ZFYVE9: variants seen among roughly 807,000 people sequenced by gnomAD.
The protein encoded by ZFYVE9 is zinc finger FYVE domain-containing protein 9.
ZFYVE9 carries 43 observed loss-of-function variants against 126.7 expected under a neutral mutation model. That is an observed-to-expected ratio of 0.34 (90% CI 0.27 to 0.44). ZFYVE9 has a LOEUF of 0.44. Among genes scored for constraint, ZFYVE9 ranks in the 20% least tolerant of loss-of-function variants. ZFYVE9 has a pLI of 1.00. For missense variants in ZFYVE9, 1,476 were observed against 1,697.0 expected (o/e 0.87, Z 2.29); for synonymous variants, 521 against 597.4 (o/e 0.87, Z 1.87).
In ZFYVE9 at chr1:52,340,038, AG is replaced by A; in HGVS notation, c.3834-86del. 3 of 1,026,086 alleles carry A rather than the reference AG, an allele frequency of 2.9e-6. No individual in the cohort carries two copies. The East Asian group carries it at 7.1e-5, about 24-fold the overall frequency. The allele number at this position is 1,026,086 out of a possible 1,614,324, so 63.6% of individuals were successfully genotyped here. On this transcript the variant is annotated intron_variant, in intron 16 of 18. Transcript: ENST00000287727. The stretch of plus-strand genomic sequence containing the variant: ...CAGCAGGGTACCCAGTGTAATTAGC[AG>A]GAAGACTTCTGCAGCAAAACGTGAT...
At chr1:52,256,609 A>T (rs1218936499) in intron 4 of ZFYVE9, among the ~76,000 whole-genome samples, 1 of 152,166 alleles carries the variant, frequency 6.6e-6, no homozygotes, top group Non-Finnish European at 1.5e-5. Flanking sequence ...CCTCAGTTGG[A>T]TATAATATTG....
chr1:52,262,162 A>C (rs1316032609), intron 4 of ZFYVE9, among the ~76,000 whole-genome samples: 2 of 152,208 alleles, frequency 1.3e-5, no homozygotes, highest in Non-Finnish European at 2.9e-5. Flanking sequence ...TTACTTATAG[A>C]CAGCTGTGTT....
At chr1:52,323,057 G>A (rs1186126627) in intron 13 of ZFYVE9, among the ~76,000 whole-genome samples, 1 of 152,066 alleles carries the variant, frequency 6.6e-6, no homozygotes, top group Non-Finnish European at 1.5e-5. Flanking sequence ...GCCCATCTTG[G>A]CCTCCCAAAG....
intron 1 of ZFYVE9, among the ~76,000 whole-genome samples, chr1:52,165,193 A>G (rs961004959): frequency 6.6e-6 from 1 of 152,184 alleles, no homozygotes; most frequent in Non-Finnish European, 1.5e-5. Context: ...TCTTGTTTTT[A>G]ATTATATAAA....
At chr1:52,188,465 C>G (rs954836264) in intron 1 of ZFYVE9, among the ~76,000 whole-genome samples, 3 of 152,106 alleles carry the variant, frequency 2.0e-5, no homozygotes, top group Non-Finnish European at 4.4e-5. Flanking sequence ...ACTTGTACCC[C>G]TGAACCTAAA....
intron 1 of ZFYVE9, among the ~76,000 whole-genome samples, chr1:52,172,740 A>G (rs1402287723): frequency 9.9e-5 from 15 of 151,062 alleles, no homozygotes; most frequent in African/African-American, 1.9e-4. Context: ...TGGATTCCTA[A>G]GTATTTTATT....
In ZFYVE9 at chr1:52,153,759, C is replaced by T. The variant is rs190087881; in HGVS notation, c.-143+11356C>T. Among the ~76,000 whole-genome samples the T allele has an allele frequency of 3.6e-3, 552 of 152,232 alleles. 1 individual carries two copies. The highest frequency in any genetic ancestry group is 6.2e-3 in the Non-Finnish European group (424 of 68,016). On this transcript the variant is annotated intron_variant, in intron 1 of 18. Transcript: ENST00000287727. ...ATGTGTCTCTTGGCAAAAGTGTGCC[C>T]GCTTTGGGTGCCAGGACTTCTAACT...
rs149725876 is a variant in ZFYVE9, at chr1:52,180,238, G to T, written c.-142-36131G>T. Reference sequence around the variant, plus strand: ...TGTGCCCTGATAAATCAGCACCTCAGTGGAGTTGCCAGGAAGTTTCCTGAT... The same window carrying T: ...TGTGCCCTGATAAATCAGCACCTCATTGGAGTTGCCAGGAAGTTTCCTGAT... On this transcript the variant is annotated intron_variant, in intron 1 of 18. Transcript: ENST00000287727. 1.3e-3 allele frequency: 2,024 copies of T among 1,604,194 alleles called. 3 individuals are homozygous for T. The highest frequency in any genetic ancestry group is 1.7e-3 in the Non-Finnish European group (1,945 of 1,174,738).
intron 1 of ZFYVE9, among the ~76,000 whole-genome samples, chr1:52,143,217 G>T (rs1039513306): frequency 6.6e-6 from 1 of 152,114 alleles, no homozygotes; most frequent in Non-Finnish European, 1.5e-5. Flanking sequence ...GAGAATAGTT[G>T]GCAAAAGGAT....
chr1:52,182,634 C>T (rs963887778), intron 1 of ZFYVE9, among the ~76,000 whole-genome samples: 3 of 152,048 alleles, frequency 2.0e-5, no homozygotes. Context: ...GGGTCCTCTG[C>T]GTAGGAAAAC....
intron 8 of ZFYVE9, among the ~76,000 whole-genome samples, chr1:52,277,810 A>G (rs542058204): frequency 4.7e-4 from 71 of 152,314 alleles, no homozygotes; most frequent in African/African-American, 1.7e-3. Context: ...TGAAGCACAT[A>G]CTGTGCTTCC....
rs1383842686 is a variant in ZFYVE9 at position 52,278,623 on chromosome 1, T to C, written c.2869+9T>C. On this transcript the variant is annotated intron_variant, in intron 9 of 18. Coordinates refer to ENST00000287727, the MANE Select transcript of ZFYVE9 (RefSeq NM_004799.4). ...GGTTAAAATTGTAAATTGTAAGTTA[T>C]AAATTTTTAAAAATTAAAATCAGAT... The C allele has an allele frequency of 3.3e-6, 5 of 1,509,988 alleles. No individual in the cohort carries two copies. The highest frequency in any genetic ancestry group is 2.5e-5 in the South Asian group (2 of 80,630). 93.5% of individuals were successfully genotyped at this position (1,509,988 alleles called of 1,614,324 possible).
At chr1:52,323,343 T>C (rs894719052) in intron 13 of ZFYVE9, among the ~76,000 whole-genome samples, 1 of 152,240 alleles carries the variant, frequency 6.6e-6, no homozygotes, top group Non-Finnish European at 1.5e-5. Flanking sequence ...CTTCCATGTT[T>C]TATTTTTCTC....
At chr1:52,289,489 A>G (rs1016662391) in intron 10 of ZFYVE9, among the ~76,000 whole-genome samples, 1 of 152,186 alleles carries the variant, frequency 6.6e-6, no homozygotes, top group Non-Finnish European at 1.5e-5. Context: ...TTTGGTATCT[A>G]TTTTGGTTAT....
intron 1 of ZFYVE9, among the ~76,000 whole-genome samples, chr1:52,161,146 A>G (rs999795857): frequency 2.6e-5 from 4 of 152,194 alleles, no homozygotes; most frequent in Non-Finnish European, 4.4e-5. Flanking sequence ...CCATAGTTCC[A>G]ATACCAAAAT....
chr1:52,235,908 T>C (rs1645269061), intron 3 of ZFYVE9, among the ~76,000 whole-genome samples: 1 of 152,156 alleles, frequency 6.6e-6, no homozygotes, highest in East Asian at 1.9e-4. Flanking sequence ...TTGATGTCTT[T>C]GATAAGTTCT....
chr1:52,232,258 G>A (rs1645230294), intron 2 of ZFYVE9, among the ~76,000 whole-genome samples: 2 of 152,126 alleles, frequency 1.3e-5, no homozygotes, highest in Non-Finnish European at 2.9e-5. Flanking sequence ...TAGGTGTGGA[G>A]ATCATGGTAA....
At chr1:52,181,208 GAGTGCCTGCGATTGCA>G (rs1342140458) in intron 1 of ZFYVE9, among the ~76,000 whole-genome samples, 1 of 152,124 alleles carries the variant, frequency 6.6e-6, no homozygotes, top group Non-Finnish European at 1.5e-5. Flanking sequence ...TCAGCCTGCT[GAGTGCCTGCGATTGCA>G]GGCGCGCGCT....
intron 13 of ZFYVE9, among the ~76,000 whole-genome samples, chr1:52,308,499 T>C (rs998943935): frequency 1.3e-5 from 2 of 152,194 alleles, no homozygotes; most frequent in African/African-American, 4.8e-5. Flanking sequence ...TTCTTGTACA[T>C]TTTATTTAAT....
Sources: gnomAD v4.1 joint callset for allele counts (sites outside exome capture counted in the v4.1 genomes callset) on GRCh38, gnomAD v4.1.1 for gene constraint, MANE v1.5 for transcripts, NCBI Gene and HGNC (gene_info 2026-07-23, HGNC 2026-07-21) for gene names.